RIN2: variants seen among roughly 807,000 people sequenced by gnomAD.
RIN2 encodes RAB5 interacting protein 2.
A neutral mutation model predicts 78.0 loss-of-function variants in RIN2; 36 were observed. The ratio of observed to expected loss-of-function variants is 0.46; its 90% CI spans 0.35 to 0.61. RIN2 has a LOEUF of 0.61. Among genes scored for constraint, RIN2 ranks in the 20% least tolerant of loss-of-function variants. The probability of loss-of-function intolerance (pLI) is 0.00; values close to 1 mark genes in which losing one functional copy is unlikely to be tolerated. For synonymous variants in RIN2, 466 were observed against 466.8 expected (o/e 1.00, Z 0.02); for missense variants, 1,087 against 1,159.7 (o/e 0.94, Z 0.91).
intron 3 of RIN2, among the ~76,000 whole-genome samples, chr20:19,915,590 T>C (rs941941892): frequency 2.6e-5 from 4 of 152,200 alleles, no homozygotes; most frequent in Non-Finnish European, 5.9e-5. Flanking sequence ...TCAGCAGATG[T>C]CCGCATCAGA....
chr20:19,900,780 G>A (rs145130754), intron 3 of RIN2, among the ~76,000 whole-genome samples: 88 of 151,454 alleles, frequency 5.8e-4, no homozygotes, highest in African/African-American at 1.8e-3. Flanking sequence ...GATAAACCTC[G>A]TCTCTACTAA....
In RIN2 at chr20:19,820,268, A is replaced by T. The variant is rs1462475048; in HGVS notation, c.-37+20521A>T. The stretch of plus-strand genomic sequence containing the variant: ...TTTGAAAGGTGAAACCAGAAAACAA[A>T]GCCTGATTCTAAATAAGGTCATTTT... On this transcript the variant is annotated intron_variant, in intron 2 of 12. Transcript: ENST00000255006. Among the ~76,000 whole-genome samples, 7 of 152,346 alleles carry T rather than the reference A, an allele frequency of 4.6e-5. No homozygotes were observed. The East Asian group carries it at 1.4e-3, about 29-fold the overall frequency.
intron 1 of RIN2, among the ~76,000 whole-genome samples, chr20:19,782,101 G>A (rs931530950): frequency 3.3e-5 from 5 of 152,098 alleles, no homozygotes; most frequent in South Asian, 2.1e-4. Flanking sequence ...CCACAGGCCC[G>A]TATCAGACAA....
chr20:19,759,464 A>C (rs1331745382), intron 1 of RIN2, among the ~76,000 whole-genome samples: 3 of 152,264 alleles, frequency 2.0e-5, no homozygotes, highest in Non-Finnish European at 4.4e-5. Context: ...TCCATCATTA[A>C]GATAAATAGT....
chr20:19,770,877 C>CG (rs2034088813), intron 1 of RIN2, among the ~76,000 whole-genome samples: 1 of 138,342 alleles, frequency 7.2e-6, no homozygotes. Context: ...GCCCCCACCC[C>CG]CCCCCCCCAC....
At chr20:19,797,423 A>G (rs2035091961) in intron 1 of RIN2, among the ~76,000 whole-genome samples, 1 of 152,222 alleles carries the variant, frequency 6.6e-6, no homozygotes, top group African/African-American at 2.4e-5. Context: ...ATAACTATGT[A>G]AAAGCAAGAA....
At chr20:19,915,665 C>A (rs2039655218) in intron 3 of RIN2, among the ~76,000 whole-genome samples, 1 of 152,176 alleles carries the variant, frequency 6.6e-6, no homozygotes, top group South Asian at 2.1e-4. Flanking sequence ...AGTGACTCAT[C>A]CCCTCAGAGT....
chr20:19,912,309 C>T (rs2039503417), intron 3 of RIN2, among the ~76,000 whole-genome samples: 1 of 152,088 alleles, frequency 6.6e-6, no homozygotes. Flanking sequence ...CTCACCACCC[C>T]AGAACCTGAT....
intron 1 of RIN2, among the ~76,000 whole-genome samples, chr20:19,771,174 T>C (rs992310196): frequency 6.6e-6 from 1 of 152,150 alleles, no homozygotes; most frequent in African/African-American, 2.4e-5. Flanking sequence ...CCATTGGCTA[T>C]TGGTGATCAA....
intron 9 of RIN2, among the ~76,000 whole-genome samples, chr20:19,988,310 G>A (rs113949789): frequency 5.3e-5 from 8 of 152,214 alleles, no homozygotes; most frequent in African/African-American, 1.4e-4. Flanking sequence ...GGTAGTGATG[G>A]GATTTCGCTG....
Position 19,977,214 on chromosome 20 carries a change from G to A in RIN2, c.1762+1427G>A, listed in dbSNP as rs6112697. On this transcript the variant is annotated intron_variant, in intron 9 of 12. Transcript: ENST00000255006. ...TCAGAGGGGGGTGCAGCCAGGCAGG[G>A]GCTGATGTCAGGCCTGAGCTATGTG... Among the ~76,000 whole-genome samples, 1,033 of 152,196 alleles carry A rather than the reference G, an allele frequency of 6.8e-3. 9 individuals are homozygous for A. Among genetic ancestry groups the A allele is most frequent in the Admixed American group, 9.8e-3 (150 of 15,274 alleles).
chr20:19,806,475 G>A (rs778372212), intron 2 of RIN2, among the ~76,000 whole-genome samples: 40 of 152,122 alleles, frequency 2.6e-4, no homozygotes, highest in Non-Finnish European at 4.6e-4. Flanking sequence ...TATCCTGTAC[G>A]TTGCCACCCA....
rs913513494 is a variant in RIN2, at chr20:19,926,174, T to A, written c.58-8925T>A. 2.0e-5 allele frequency among the ~76,000 whole-genome samples: 3 copies of A among 152,224 alleles called. No individual in the cohort carries two copies. In the South Asian group the frequency reaches 6.2e-4, roughly 32 times the overall value. Reference sequence around the variant, plus strand: ...CACAAAACTGATAACAGTGGTTACATCTGAGTAGGTGAAGGAGATTATGGG... The same window carrying A: ...CACAAAACTGATAACAGTGGTTACAACTGAGTAGGTGAAGGAGATTATGGG... On this transcript the variant is annotated intron_variant, in intron 3 of 12. Transcript: ENST00000255006.
At chr20:19,926,418 C>G (rs1308345029) in intron 3 of RIN2, among the ~76,000 whole-genome samples, 1 of 151,980 alleles carries the variant, frequency 6.6e-6, no homozygotes, top group Non-Finnish European at 1.5e-5. Flanking sequence ...AGGGGAAAAG[C>G]CTCCATTACG....
intron 3 of RIN2, among the ~76,000 whole-genome samples, chr20:19,929,076 G>C (rs1482462319): frequency 6.6e-6 from 1 of 152,170 alleles, no homozygotes; most frequent in African/African-American, 2.4e-5. Flanking sequence ...CACCAACTTT[G>C]TGCCTTGTCA....
chr20:19,954,586 G>A (rs1568656568), intron 4 of RIN2, among the ~76,000 whole-genome samples: 1 of 152,172 alleles, frequency 6.6e-6, no homozygotes, highest in Non-Finnish European at 1.5e-5. Context: ...GGTCCTCTCT[G>A]TAAAACCGGG....
At chr20:19,908,983 G>T (rs1170170736) in intron 3 of RIN2, among the ~76,000 whole-genome samples, 1 of 152,098 alleles carries the variant, frequency 6.6e-6, no homozygotes, top group Non-Finnish European at 1.5e-5. Context: ...TCCTGCCTCA[G>T]CCTCCCAAGT....
intron 7 of RIN2, among the ~76,000 whole-genome samples, chr20:19,970,134 C>T (rs2042060474): frequency 6.6e-6 from 1 of 152,234 alleles, no homozygotes; most frequent in Non-Finnish European, 1.5e-5. Context: ...CTTAGACTTG[C>T]TTTCCTATTC....
At chr20:19,924,503 CCACCTTCACACTCCCACCTTCGTTCCCG>C (rs2040122734) in intron 3 of RIN2, among the ~76,000 whole-genome samples, 1 of 22,804 alleles carries the variant, frequency 4.4e-5, no homozygotes, top group Admixed American at 4.2e-4. Flanking sequence ...CTTCATACCC[CCACCTTCACACTCCCACCTTCGTTCCCG>C]ACCTCTTCAT....
Sources: gnomAD v4.1 joint callset for allele counts (sites outside exome capture counted in the v4.1 genomes callset) on GRCh38, gnomAD v4.1.1 for gene constraint, MANE v1.5 for transcripts, NCBI Gene and HGNC (gene_info 2026-07-23, HGNC 2026-07-21) for gene names.